Variants in CCDC146 observed in about 807,000 individuals in gnomAD.
The protein encoded by CCDC146 is coiled-coil domain containing 146, also known as coiled-coil domain-containing protein 146.
Under a neutral mutation model 119.3 loss-of-function variants are expected in CCDC146, and 92 were observed. The observed-to-expected ratio is 0.77, with a 90% CI of 0.65 to 0.92. CCDC146 has a LOEUF of 0.92. Ranked by LOEUF, CCDC146 falls within the 40% of genes least tolerant of loss-of-function variation. CCDC146 has a pLI of 0.00. For synonymous variants in CCDC146, 372 were observed against 371.8 expected (o/e 1.00, Z -0.01); for missense variants, 1,000 against 1,103.0 (o/e 0.91, Z 1.32).
intron 9 of CCDC146, among the ~76,000 whole-genome samples, chr7:77,268,054 T>C (rs1483873566): frequency 6.6e-6 from 1 of 152,156 alleles, no homozygotes; most frequent in Non-Finnish European, 1.5e-5. Flanking sequence ...AGGATATGTG[T>C]CATGTGACTT....
intron 2 of CCDC146, among the ~76,000 whole-genome samples, chr7:77,213,677 T>C (rs1792246447): frequency 6.6e-6 from 1 of 152,176 alleles, no homozygotes; most frequent in Admixed American, 6.5e-5. Context: ...TTTATGTCCA[T>C]GTGTACCTAT....
At chr7:77,257,323 T>C (rs949448945) in intron 6 of CCDC146, 1 of 152,190 alleles carries the variant, frequency 6.6e-6, no homozygotes, top group Non-Finnish European at 1.5e-5. Flanking sequence ...TAAATGACTC[T>C]CAAAACAGTT....
chr7:77,286,998 G>GT (rs1346291060), intron 16 of CCDC146, 72 bp downstream of exon 16: 1 of 1,522,646 alleles, frequency 6.6e-7, no homozygotes, highest in Non-Finnish European at 9.1e-7. Flanking sequence ...CTATGGTACT[G>GT]TTTCATGTTA....
chr7:77,139,861 C>CCCTTCCTT (rs374681436), intron 1 of CCDC146, among the ~76,000 whole-genome samples: 2 of 148,322 alleles, frequency 1.3e-5, no homozygotes, highest in East Asian at 2.0e-4. Flanking sequence ...CAATTCTCTC[C>CCCTTCCTT]CCTTCCTTCC....
chr7:77,239,307 C>T (rs1330091168), intron 3 of CCDC146, among the ~76,000 whole-genome samples: 2 of 152,190 alleles, frequency 1.3e-5, no homozygotes, highest in African/African-American at 4.8e-5. Flanking sequence ...AGTTTATTAG[C>T]ATACATGAAA....
chr7:77,151,955 G>T (rs1725145512), intron 1 of CCDC146, among the ~76,000 whole-genome samples: 1 of 152,148 alleles, frequency 6.6e-6, no homozygotes, highest in Admixed American at 6.5e-5. Flanking sequence ...CCTCTCCCGT[G>T]CCTCTCTGTG....
chr7:77,166,797 T>TTGTACTGGGTCC (rs1791343383), intron 1 of CCDC146, among the ~76,000 whole-genome samples: 1 of 152,202 alleles, frequency 6.6e-6, no homozygotes, highest in Admixed American at 6.5e-5. Flanking sequence ...ATTTGTTTTT[T>TTGTACTGGGTCC]TGTACTGGGT....
intron 2 of CCDC146, among the ~76,000 whole-genome samples, chr7:77,190,727 TTAG>T (rs1791747500): frequency 6.6e-6 from 1 of 152,294 alleles, no homozygotes; most frequent in African/African-American, 2.4e-5. Context: ...AGCTTATGAC[TTAG>T]TAGACATTGT....
chr7:77,166,874 G>C (rs1791344986), intron 1 of CCDC146, among the ~76,000 whole-genome samples: 1 of 152,186 alleles, frequency 6.6e-6, no homozygotes, highest in African/African-American at 2.4e-5. Context: ...GCTGGTGTTA[G>C]CAGTTGCCCA....
Position 77,159,496 on chromosome 7 carries a change from T to C in CCDC146, c.-11-8162T>C, listed in dbSNP as rs188731064. On this transcript the variant is annotated intron_variant, in intron 1 of 18. Transcript: ENST00000285871. ...TTCCTGTGGCTGTAAAATGTTCCAT[T>C]GTATACATATATCGCAATTTCTTTG... Among the ~76,000 whole-genome samples the C allele has an allele frequency of 1.6e-3, 237 of 152,284 alleles. 1 individual carries two copies. Among genetic ancestry groups the C allele is most frequent in the African/African-American group, 5.5e-3 (229 of 41,552 alleles).
chr7:77,259,775 G>T (rs1167092925), intron 7 of CCDC146, among the ~76,000 whole-genome samples: 1 of 152,070 alleles, frequency 6.6e-6, no homozygotes, highest in African/African-American at 2.4e-5. Context: ...TAGGGAGGCT[G>T]GGCAAATTCC....
chr7:77,153,039 T>C (rs573491062), intron 1 of CCDC146, among the ~76,000 whole-genome samples: 10 of 152,302 alleles, frequency 6.6e-5, no homozygotes, highest in Non-Finnish European at 1.5e-4. Flanking sequence ...CAAGCCTAAA[T>C]TGATGAACTT....
chr7:77,270,988 T>TGCCC (rs1793500057), intron 9 of CCDC146, among the ~76,000 whole-genome samples: 1 of 151,270 alleles, frequency 6.6e-6, no homozygotes, highest in Admixed American at 6.6e-5. Flanking sequence ...TGGCTTGTCT[T>TGCCC]AGCTCATATG....
chr7:77,151,967 C>A (rs1470163883), intron 1 of CCDC146, among the ~76,000 whole-genome samples: 1 of 152,220 alleles, frequency 6.6e-6, no homozygotes, highest in Non-Finnish European at 1.5e-5. Context: ...CTCTCTGTGA[C>A]CTCTCTTGGG....
chr7:77,183,070 A>G (rs1031374568), intron 2 of CCDC146, among the ~76,000 whole-genome samples: 2 of 152,130 alleles, frequency 1.3e-5, no homozygotes, highest in Non-Finnish European at 2.9e-5. Context: ...CTCCTTCATG[A>G]AATGGAGGCA....
chr7:77,248,327 T>C (rs1030699534), intron 4 of CCDC146, among the ~76,000 whole-genome samples: 2 of 152,200 alleles, frequency 1.3e-5, no homozygotes, highest in Non-Finnish European at 2.9e-5. Flanking sequence ...GGTATACATG[T>C]ATATAATTTG....
intron 1 of CCDC146, among the ~76,000 whole-genome samples, chr7:77,145,958 A>G (rs2117431626): frequency 6.6e-6 from 1 of 152,102 alleles, no homozygotes; most frequent in South Asian, 2.1e-4. Flanking sequence ...GCTGAGTTCA[A>G]TTCCTGGATA....
At chr7:77,149,951 GGAA>G (rs2117442960) in intron 1 of CCDC146, among the ~76,000 whole-genome samples, 1 of 151,696 alleles carries the variant, frequency 6.6e-6, no homozygotes, top group Admixed American at 6.6e-5. Context: ...GAATTCAATG[GGAA>G]GAAGATCTTT....
intron 11 of CCDC146, among the ~76,000 whole-genome samples, chr7:77,278,207 C>A (rs1429968296): frequency 6.6e-6 from 1 of 152,186 alleles, no homozygotes; most frequent in Non-Finnish European, 1.5e-5. Context: ...CCCAGTCCAG[C>A]TGTGTGGTTC....
Sources: gnomAD v4.1 joint callset for allele counts (sites outside exome capture counted in the v4.1 genomes callset) on GRCh38, gnomAD v4.1.1 for gene constraint, MANE v1.5 for transcripts, NCBI Gene and HGNC (gene_info 2026-07-23, HGNC 2026-07-21) for gene names.